GRAMD2B: variants seen among roughly 807,000 people sequenced by gnomAD.
GRAMD2B encodes GRAM domain containing 2B, also known as GRAM domain-containing protein 2B.
GRAMD2B carries 41 observed loss-of-function variants against 59.2 expected under a neutral mutation model. That is an observed-to-expected ratio of 0.69 (90% CI 0.54 to 0.90). The LOEUF (loss-of-function observed/expected upper bound fraction) is 0.90, where lower values mean the gene tolerates loss of function less well. GRAMD2B is among the 40% of genes least tolerant of loss of function. The pLI is 0.00. For missense variants in GRAMD2B, 424 were observed against 500.5 expected, an observed-to-expected ratio of 0.85 and a Z score of 1.46; for synonymous variants, 161 against 182.7, an observed-to-expected ratio of 0.88 and a Z score of 0.96.
chr5:126,371,817 T>C (rs1301914680), intron 1 of GRAMD2B, among the ~76,000 whole-genome samples: 4 of 152,234 alleles, frequency 2.6e-5, no homozygotes, highest in African/African-American at 9.6e-5. Flanking sequence ...CTTTAGTACT[T>C]TCTTAGTACT....
intron 1 of GRAMD2B, among the ~76,000 whole-genome samples, chr5:126,416,410 G>A (rs544870183): frequency 9.2e-5 from 14 of 152,274 alleles, no homozygotes; most frequent in African/African-American, 2.6e-4. Context: ...AGTTCCACAG[G>A]AGTATGGTTG....
chr5:126,457,865 T>G (rs774658075), intron 1 of GRAMD2B, among the ~76,000 whole-genome samples: 2 of 152,028 alleles, frequency 1.3e-5, no homozygotes, highest in South Asian at 2.1e-4. Flanking sequence ...TTGCAAGGAT[T>G]TGGACTCTGA....
At chr5:126,411,298 T>A (rs895808024) in intron 1 of GRAMD2B, among the ~76,000 whole-genome samples, 1 of 152,086 alleles carries the variant, frequency 6.6e-6, no homozygotes, top group African/African-American at 2.4e-5. Flanking sequence ...AAGGCAGGGG[T>A]CCAGTTTCAT....
At chr5:126,470,454 C>A (rs1769331461) in intron 3 of GRAMD2B, among the ~76,000 whole-genome samples, 1 of 152,148 alleles carries the variant, frequency 6.6e-6, no homozygotes, top group Non-Finnish European at 1.5e-5. Flanking sequence ...ACAAAATTCA[C>A]TTTTGAATTT....
chr5:126,370,743 C>T (rs1277725104), upstream of GRAMD2B, among the ~76,000 whole-genome samples: 2 of 152,178 alleles, frequency 1.3e-5, no homozygotes, highest in Admixed American at 1.3e-4. Context: ...GAGACACATT[C>T]GAACTCTCGC....
intron 1 of GRAMD2B, among the ~76,000 whole-genome samples, chr5:126,435,583 A>C (rs1762280857): frequency 6.6e-6 from 1 of 152,132 alleles, no homozygotes; most frequent in African/African-American, 2.4e-5. Flanking sequence ...TTGAAACTTT[A>C]GGGAAGTCGT....
intron 1 of GRAMD2B, among the ~76,000 whole-genome samples, chr5:126,439,932 A>T (rs1763024862): frequency 6.6e-6 from 1 of 152,138 alleles, no homozygotes; most frequent in Non-Finnish European, 1.5e-5. Context: ...GTCTGCCACC[A>T]TGTAAGACGT....
chr5:126,450,678 A>AC (rs1765183131), intron 1 of GRAMD2B, among the ~76,000 whole-genome samples: 2 of 128,152 alleles, frequency 1.6e-5, no homozygotes, highest in Non-Finnish European at 3.4e-5. Context: ...AAAAAAAAAA[A>AC]TGTTGCTCAC....
chr5:126,424,074 A>G (rs890971702), intron 1 of GRAMD2B, among the ~76,000 whole-genome samples: 1 of 152,234 alleles, frequency 6.6e-6, no homozygotes, highest in Non-Finnish European at 1.5e-5. Context: ...TTGTTCAATA[A>G]CGATGGGCAA....
intron 1 of GRAMD2B, among the ~76,000 whole-genome samples, chr5:126,436,691 G>C (rs1580979533): frequency 6.6e-6 from 1 of 152,176 alleles, no homozygotes; most frequent in Non-Finnish European, 1.5e-5. Context: ...TATAATTTGA[G>C]CAATGTCTTA....
chr5:126,477,270 T>C (rs2126873965), intron 5 of GRAMD2B, among the ~76,000 whole-genome samples: 1 of 152,346 alleles, frequency 6.6e-6, no homozygotes, highest in Non-Finnish European at 1.5e-5. Context: ...TATCCAGTGA[T>C]GGTCCTATTA....
chr5:126,371,112 T>C (rs1404673751), upstream of GRAMD2B, among the ~76,000 whole-genome samples: 2 of 152,236 alleles, frequency 1.3e-5, no homozygotes, highest in Non-Finnish European at 2.9e-5. Context: ...TTGTTTTGTT[T>C]TGTTTAGGTG....
chr5:126,396,660 A>T (rs1032133370), intron 1 of GRAMD2B, among the ~76,000 whole-genome samples: 1 of 152,152 alleles, frequency 6.6e-6, no homozygotes, highest in African/African-American at 2.4e-5. Flanking sequence ...TATCTTTGTA[A>T]TAGAATAATT....
chr5:126,417,961 A>G (rs749571163), intron 1 of GRAMD2B, among the ~76,000 whole-genome samples: 1 of 152,202 alleles, frequency 6.6e-6, no homozygotes, highest in Non-Finnish European at 1.5e-5. Flanking sequence ...CTGAAAAATG[A>G]TGGTGGAATT....
chr5:126,440,561 TCTA>T (rs1168064307), intron 1 of GRAMD2B, among the ~76,000 whole-genome samples: 2 of 152,122 alleles, frequency 1.3e-5, no homozygotes, highest in East Asian at 1.9e-4. Context: ...GAGCTGGAAA[TCTA>T]CTCCATTTCG....
intron 1 of GRAMD2B, among the ~76,000 whole-genome samples, chr5:126,391,015 A>G (rs1276527356): frequency 2.6e-5 from 4 of 152,124 alleles, no homozygotes; most frequent in Non-Finnish European, 5.9e-5. Flanking sequence ...ATATAGTAAC[A>G]GATTGGGCTT....
chr5:126,489,210 A>G (rs1773503857), intron 13 of GRAMD2B, among the ~76,000 whole-genome samples: 1 of 152,250 alleles, frequency 6.6e-6, no homozygotes, highest in African/African-American at 2.4e-5. Context: ...ATGTAGGGAC[A>G]TAGTAGGGAG....
At chr5:126,419,943 T>C (rs1759583621), upstream of GRAMD2B, among the ~76,000 whole-genome samples, 1 of 150,716 alleles carries the variant, frequency 6.6e-6, no homozygotes. Context: ...TAGTCCCAGC[T>C]ACTCGAGAGG....
chr5:126,434,254 C>G (rs1271120729), intron 1 of GRAMD2B, among the ~76,000 whole-genome samples: 1 of 152,082 alleles, frequency 6.6e-6, no homozygotes, highest in Non-Finnish European at 1.5e-5. Context: ...ATAATGTACT[C>G]AGGTAGGTGT....
Sources: allele counts gnomAD v4.1 joint callset (sites outside exome capture counted in the v4.1 genomes callset), GRCh38; gene constraint gnomAD v4.1.1; transcripts MANE v1.5; gene names NCBI Gene and HGNC (gene_info 2026-07-23, HGNC 2026-07-21).